TRA2A: variants seen among roughly 807,000 people sequenced by gnomAD.
TRA2A encodes the protein transformer-2 protein homolog alpha.
TRA2A carries 31 observed loss-of-function variants against 45.7 expected under a neutral mutation model. That is an observed-to-expected ratio of 0.68 (90% CI 0.51 to 0.92). The LOEUF (loss-of-function observed/expected upper bound fraction) is 0.92, where lower values mean the gene tolerates loss of function less well. Ranked by LOEUF, TRA2A falls within the 40% of genes least tolerant of loss-of-function variation. The pLI is 0.00. For missense variants in TRA2A, 304 were observed against 367.5 expected (o/e 0.83, Z 1.41); for synonymous variants, 132 against 126.2 (o/e 1.05, Z -0.31).
At chr7:23,522,984 C>T (rs1790195922) in intron 1 of TRA2A, among the ~76,000 whole-genome samples, 1 of 152,154 alleles carries the variant, frequency 6.6e-6, no homozygotes, top group African/African-American at 2.4e-5. Context: ...ACTATCTTTG[C>T]TCATTCTGAC....
Position 23,505,500 on chromosome 7 carries a change from TAAAAAAAA to T in TRA2A, c.*51_*58del, listed in dbSNP as rs777556731. On this transcript the variant is annotated 3_prime_UTR_variant, in exon 8 of 8. Transcript: ENST00000297071. ...CCACAGCTTGGGGAAATCTCAGAAT[TAAAAAAAA>T]AAAAAAAAAAAAGAGGAAAAAAAAT... The T allele has an allele frequency of 1.1e-5, 4 of 351,726 alleles. No homozygotes were observed. In the South Asian group the frequency reaches 1.8e-4, roughly 15 times the overall value. 21.8% of individuals were successfully genotyped at this position (351,726 alleles called of 1,614,324 possible). A position where few individuals can be genotyped will look rare whatever the true frequency, so the allele number is the denominator to read the frequency against.
At chr7:23,511,370 CAA>C (rs567187750) in intron 4 of TRA2A, among the ~76,000 whole-genome samples, 3 of 40,106 alleles carry the variant, frequency 7.5e-5, no homozygotes, top group Non-Finnish European at 9.3e-5. Flanking sequence ...GACTCCATCT[CAA>C]AAAAAAAAAA....
rs567187750 is a variant in TRA2A, at chr7:23,511,370, C to CAAAAAA, written c.525+1518_525+1523dup. On this transcript the variant is annotated intron_variant, in intron 4 of 7. Transcript: ENST00000297071. ...TGGGCGACAGAGCGAGACTCCATCT[C>CAAAAAA]AAAAAAAAAAAAAAAAAAAAAAAAA... Among the ~76,000 whole-genome samples, 41 of 40,100 alleles carry CAAAAAA rather than the reference C, an allele frequency of 1.0e-3. 2 individuals carry two copies. Among genetic ancestry groups the CAAAAAA allele is most frequent in the Non-Finnish European group, 1.5e-3 (33 of 21,512 alleles). 26.3% of individuals were successfully genotyped at this position (40,100 alleles called of 152,430 possible).
At chr7:23,525,057 C>T (rs1790286120) in intron 1 of TRA2A, among the ~76,000 whole-genome samples, 1 of 152,110 alleles carries the variant, frequency 6.6e-6, no homozygotes, top group African/African-American at 2.4e-5. Context: ...GTAAACTTAA[C>T]TGGAAGAATA....
intron 7 of TRA2A, 23 bp downstream of exon 7, chr7:23,505,723 C>T (rs1415108341): frequency 6.7e-7 from 1 of 1,495,494 alleles, no homozygotes; most frequent in East Asian, 2.3e-5. Context: ...GTTTTTTATG[C>T]TACAAAAGTA....
At chr7:23,509,836 G>A (rs932124814) in intron 4 of TRA2A, among the ~76,000 whole-genome samples, 1 of 152,006 alleles carries the variant, frequency 6.6e-6, no homozygotes, top group Non-Finnish European at 1.5e-5. Context: ...GCTAGCCTGG[G>A]CAATGGGGCA....
In TRA2A at chr7:23,531,948, T is replaced by C; in HGVS notation, c.-124A>G. On this transcript the variant is annotated 5_prime_UTR_variant, in exon 1 of 8. Coordinates refer to ENST00000297071, the MANE Select transcript of TRA2A (RefSeq NM_013293.5). ...GAGTCGGCAACCACAGCCGCTCCAC[T>C]CCACTCCCACTCGGTCGCAGGCTCC... 9.6e-7 allele frequency: 1 copy of C among 1,040,368 alleles called. No homozygotes were observed. Among genetic ancestry groups the C allele is most frequent in the Non-Finnish European group, 1.4e-6 (1 of 695,900 alleles). 64.4% of individuals were successfully genotyped at this position (1,040,368 alleles called of 1,614,324 possible).
chr7:23,525,587 T>C (rs961618271), intron 1 of TRA2A, among the ~76,000 whole-genome samples: 1 of 152,232 alleles, frequency 6.6e-6, no homozygotes, highest in Non-Finnish European at 1.5e-5. Context: ...ACAACCTGCT[T>C]TAACAGGTTT....
intron 1 of TRA2A, among the ~76,000 whole-genome samples, chr7:23,530,395 A>T (rs1306560621): frequency 6.6e-6 from 1 of 152,178 alleles, no homozygotes; most frequent in Non-Finnish European, 1.5e-5. Context: ...TAAAGCCTAA[A>T]CTGACCTTCT....
chr7:23,526,721 AG>A (rs1790354623), intron 1 of TRA2A, among the ~76,000 whole-genome samples: 1 of 152,210 alleles, frequency 6.6e-6, no homozygotes, highest in African/African-American at 2.4e-5. Flanking sequence ...TCCCTTAAAA[AG>A]AAGATAGCGA....
chr7:23,513,423 G>T (rs1422031934), intron 3 of TRA2A, among the ~76,000 whole-genome samples: 1 of 152,142 alleles, frequency 6.6e-6, no homozygotes, highest in African/African-American at 2.4e-5. Context: ...TTCGAGACCA[G>T]CCTGGCCAAC....
In TRA2A at chr7:23,512,946, C is replaced by A; in HGVS notation, c.473G>T (p.Arg158Leu). Residue 158 changes from arginine to leucine, a missense_variant, in exon 4 of 8, where the codon CGA becomes CTA. Physicochemically the swap from Arg to Leu is moderately radical, Grantham distance 102. Around this residue, in one of 3 missense-constraint regions of TRA2A, gnomAD observed 130 missense variants for 217.1 expected, o/e 0.60. Coordinates refer to ENST00000297071, the MANE Select transcript of TRA2A (RefSeq NM_013293.5). ...ATACACAAAAGCAAATCCTCGAGAT[C>A]GCCCAGTTCGCTGATCATAAACCAC... Reference protein sequence around the residue: ...VNVVYDQRTGRSRGFAFVYFE... With the variant: ...VNVVYDQRTGLSRGFAFVYFE... The A allele has an allele frequency of 1.2e-6, 2 of 1,613,626 alleles. No homozygotes were observed. The highest frequency in any genetic ancestry group is 1.7e-6 in the Non-Finnish European group (2 of 1,179,930).
intron 1 of TRA2A, among the ~76,000 whole-genome samples, chr7:23,529,491 C>T (rs1442711777): frequency 1.3e-5 from 2 of 152,084 alleles, no homozygotes; most frequent in Non-Finnish European, 2.9e-5. Flanking sequence ...AACTCCTAAC[C>T]TCAAGTAATC....
At chr7:23,507,673 C>T in intron 4 of TRA2A, 138 bp from the exon 5 acceptor site, 1 of 647,178 alleles carries the variant, frequency 1.5e-6, no homozygotes, top group Non-Finnish European at 2.8e-6. Context: ...TTGTACAGGG[C>T]ATTGTATAGA....
Position 23,516,465 on chromosome 7 carries a change from A to C in TRA2A, c.234T>G (p.His78Gln). 1 of 1,614,172 alleles carries C rather than the reference A, an allele frequency of 6.2e-7. No individual in the cohort carries two copies. ...YTRSRSHSHS[H>Q]RRRSRSRSYT... is the part of the protein sequence containing the mutation. ...ATGATCTACTTCGAGATCGTCTCCT[A>C]TGAGAGTGAGAGTGGGATCTGGATC... is the stretch of plus-strand genomic sequence containing the variant. Residue 78 changes from histidine to glutamine, a missense_variant, in exon 3 of 8, where the codon CAT becomes CAG. By Grantham distance (24) the His-to-Gln change is conservative. Transcript: ENST00000297071.
intron 2 of TRA2A, among the ~76,000 whole-genome samples, chr7:23,517,477 C>CAAAAAAAAAAAAAAAAAAAA (rs70954385): frequency 5.0e-4 from 7 of 13,934 alleles, no homozygotes; most frequent in South Asian, 5.1e-3. Flanking sequence ...GACTACGTCT[C>CAAAAAAAAAAAAAAAAAAAA]AAAAAAAAAA....
intron 1 of TRA2A, among the ~76,000 whole-genome samples, chr7:23,525,649 T>A (rs565279397): frequency 1.5e-4 from 23 of 152,314 alleles, no homozygotes; most frequent in Middle Eastern, 6.8e-3. Flanking sequence ...CAGGCTGGAG[T>A]GCAGTGGCAC....
chr7:23,514,067 ATT>A (rs879501457), intron 3 of TRA2A, among the ~76,000 whole-genome samples: 19 of 140,102 alleles, frequency 1.4e-4, no homozygotes, highest in African/African-American at 1.6e-4. Flanking sequence ...CGGCTAGTAG[ATT>A]TTTTTTTTTT....
intron 1 of TRA2A, among the ~76,000 whole-genome samples, chr7:23,526,291 T>G (rs911533270): frequency 6.6e-6 from 1 of 152,202 alleles, no homozygotes; most frequent in African/African-American, 2.4e-5. Context: ...TGTAACTTAC[T>G]CTAACATTAA....
Sources: gnomAD v4.1 joint callset for allele counts (sites outside exome capture counted in the v4.1 genomes callset) on GRCh38, gnomAD v4.1.1 for gene constraint, gnomAD v4.1.1 regional missense constraint, MANE v1.5 for transcripts, NCBI Gene and HGNC (gene_info 2026-07-23, HGNC 2026-07-21) for gene names.